The following ZNF423 variants were observed in gnomAD, a reference collection of about 807,000 sequenced individuals.
The protein encoded by ZNF423 is Ebf-associated zinc finger protein.
Under a neutral mutation model 95.8 loss-of-function variants are expected in ZNF423, and 12 were observed. The observed-to-expected ratio is 0.13, with a 90% CI of 0.08 to 0.20. The LOEUF is 0.20. Among genes scored for constraint, ZNF423 ranks in the 10% least tolerant of loss-of-function variants. The pLI, the probability that ZNF423 is intolerant of heterozygous loss-of-function variation, is 1.00. For synonymous variants in ZNF423, 749 were observed against 711.9 expected (o/e 1.05, Z -0.83); for missense variants, 1,316 against 1,737.1 (o/e 0.76, Z 4.31).
In ZNF423 at chr16:49,674,230, G is replaced by T. The variant is rs183590102; in HGVS notation, c.302-35356C>A. Among the ~76,000 whole-genome samples the T allele has an allele frequency of 2.6e-5, 4 of 152,326 alleles. No individual in the cohort carries two copies. In the East Asian group the frequency reaches 7.7e-4, roughly 29 times the overall value. The stretch of plus-strand genomic sequence containing the variant: ...TGTGCACAGGATCTGAGATAGGAAT[G>T]AGTGTGAAACGCAAACAAAATTTTG... On this transcript the variant is annotated intron_variant, in intron 3 of 7. Transcript: ENST00000563137.
At chr16:49,742,634 C>A (rs1490803674) in intron 2 of ZNF423, among the ~76,000 whole-genome samples, 1 of 151,934 alleles carries the variant, frequency 6.6e-6, no homozygotes, top group African/African-American at 2.4e-5. Context: ...GGGAGCAGGG[C>A]CGGCGGTGGG....
chr16:49,727,010 G>A (rs925378745), intron 3 of ZNF423, among the ~76,000 whole-genome samples: 2 of 152,148 alleles, frequency 1.3e-5, no homozygotes, highest in African/African-American at 4.8e-5. Context: ...GCCAGGGGCT[G>A]GAGAGGAACA....
intron 1 of ZNF423, among the ~76,000 whole-genome samples, chr16:49,816,045 G>T (rs2034850619): frequency 6.7e-6 from 1 of 149,584 alleles, no homozygotes; most frequent in Non-Finnish European, 1.5e-5. Flanking sequence ...CAGCCTCCTG[G>T]GTAGCTGGAA....
At chr16:49,626,528 C>T (rs1032369405) in intron 4 of ZNF423, among the ~76,000 whole-genome samples, 8 of 152,030 alleles carry the variant, frequency 5.3e-5, no homozygotes, top group African/African-American at 1.9e-4. Flanking sequence ...GAGGGGAGGC[C>T]TCCTTGCTTA....
chr16:49,846,096 G>T (rs1199556570), intron 1 of ZNF423, among the ~76,000 whole-genome samples: 1 of 152,086 alleles, frequency 6.6e-6, no homozygotes, highest in Non-Finnish European at 1.5e-5. Context: ...GAGGTTAGGA[G>T]TTCGAGACCA....
rs1417528240 is a variant in ZNF423 at position 49,669,251 on chromosome 16, C to T, written c.302-30377G>A. Among the ~76,000 whole-genome samples, 5 of 151,920 alleles carry T rather than the reference C, an allele frequency of 3.3e-5. No homozygotes were observed. In the East Asian group the frequency reaches 9.7e-4, roughly 29 times the overall value. ...GGCTGAGGTGGGAGAATCACTTGAACTCGGGAGGCGGAGGTTGCAGTGAGC... is the reference window on the plus strand; with the variant it reads ...GGCTGAGGTGGGAGAATCACTTGAATTCGGGAGGCGGAGGTTGCAGTGAGC... On this transcript the variant is annotated intron_variant, in intron 3 of 7. Transcript: ENST00000563137.
chr16:49,689,897 T>C (rs571099156), intron 3 of ZNF423, among the ~76,000 whole-genome samples: 2 of 152,308 alleles, frequency 1.3e-5, no homozygotes, highest in Admixed American at 1.3e-4. Context: ...TCCCAGGCAG[T>C]GACCCAGCTC....
intron 3 of ZNF423, among the ~76,000 whole-genome samples, chr16:49,724,965 T>G (rs868018350): frequency 2.6e-5 from 4 of 152,306 alleles, no homozygotes; most frequent in African/African-American, 9.6e-5. Flanking sequence ...TGGAGTTTAG[T>G]TTGAAATTGC....
At chr16:49,824,995 T>C (rs965802189) in intron 1 of ZNF423, among the ~76,000 whole-genome samples, 9 of 152,240 alleles carry the variant, frequency 5.9e-5, no homozygotes, top group Non-Finnish European at 8.8e-5. Flanking sequence ...GTTAAGTAGA[T>C]GTCACAGGCT....
At position 49,525,481 on chromosome 16, in the gene ZNF423, G is replaced by A; in HGVS notation, c.3615C>T (p.Asn1205=). 2 of 1,614,022 alleles carry A rather than the reference G, an allele frequency of 1.2e-6. No individual in the cohort carries two copies. The highest frequency in any genetic ancestry group is 2.2e-5 in the East Asian group (1 of 44,884). Residue 1205 remains asparagine, a synonymous_variant, in exon 6 of 8, where the codon AAC becomes AAT. Coordinates refer to ENST00000563137, the MANE Select transcript of ZNF423 (RefSeq NM_001379286.1). The stretch of plus-strand genomic sequence containing the variant: ...TCTGGTTGCACAGCTTACACTCGTG[G>A]TTGATGCCTTCCTCTGCAAGGAAAA... The part of the protein sequence containing the change: ...VANHMIEEGI[N]HECKLCNQMF...
At chr16:49,659,622 C>A (rs28477473) in intron 3 of ZNF423, among the ~76,000 whole-genome samples, 2,086 of 152,352 alleles carry the variant, frequency 0.014, 60 homozygotes, top group African/African-American at 0.047. Flanking sequence ...GACACACATA[C>A]TCTCAAGAGG....
At chr16:49,565,348 A>G (rs1970155713) in intron 5 of ZNF423, among the ~76,000 whole-genome samples, 1 of 152,182 alleles carries the variant, frequency 6.6e-6, no homozygotes, top group Admixed American at 6.5e-5. Context: ...AAGCCTGAAT[A>G]CATTATTGGC....
chr16:49,646,162 C>G (rs968948653), intron 3 of ZNF423, among the ~76,000 whole-genome samples: 2 of 152,174 alleles, frequency 1.3e-5, no homozygotes, highest in Non-Finnish European at 2.9e-5. Flanking sequence ...CCGAGGAGAG[C>G]CAGTCAGTGT....
At chr16:49,545,380 C>T (rs930647624) in intron 5 of ZNF423, among the ~76,000 whole-genome samples, 6 of 152,154 alleles carry the variant, frequency 3.9e-5, no homozygotes, top group South Asian at 2.1e-4. Flanking sequence ...GAGGAGGCGC[C>T]GGGCAGGCTT....
chr16:49,822,986 G>C (rs999434501), intron 1 of ZNF423, among the ~76,000 whole-genome samples: 9 of 152,204 alleles, frequency 5.9e-5, no homozygotes, highest in Non-Finnish European at 1.2e-4. Flanking sequence ...GTATGGCCCA[G>C]AGGTCAGGAT....
chr16:49,641,340 C>T (rs895418559), intron 3 of ZNF423, among the ~76,000 whole-genome samples: 4 of 152,184 alleles, frequency 2.6e-5, no homozygotes, highest in African/African-American at 9.7e-5. Context: ...GGGAGAGGCC[C>T]ACGTGTAAAG....
At position 49,638,993 on chromosome 16, in the gene ZNF423, G is replaced by C; in HGVS notation, c.302-119C>G. The C allele has an allele frequency of 5.5e-6, 8 of 1,444,060 alleles. No individual in the cohort carries two copies. The African/African-American group carries it at 5.7e-5, about 10-fold the overall frequency. 89.5% of individuals were successfully genotyped at this position (1,444,060 alleles called of 1,614,324 possible). A position where few individuals can be genotyped will look rare whatever the true frequency, so the allele number is the denominator to read the frequency against. On this transcript the variant is annotated intron_variant, in intron 3 of 7. Coordinates refer to ENST00000563137, the MANE Select transcript of ZNF423 (RefSeq NM_001379286.1). The surrounding 1 kb of genome is among the most constrained non-coding windows in gnomAD (Gnocchi z 5.6). The stretch of plus-strand genomic sequence containing the variant: ...GCTGTGCAGCTGGCCAACGGCTGCA[G>C]GGGGCTGTGGGGAGGGGCAGGGGCC...
rs2035353366 is a variant in ZNF423, at chr16:49,855,505, A to ACCC, written c.40+227_40+229dup. The stretch of plus-strand genomic sequence containing the variant: ...CGGGCAGGGAGGGTGTCCGCGGCGT[A>ACCC]CCCCCTCCGCCGCCGCCGCCGCCGC... On this transcript the variant is annotated intron_variant, in intron 1 of 7. Coordinates refer to ENST00000563137, the MANE Select transcript of ZNF423 (RefSeq NM_001379286.1). This position sits in a 1 kb window ranked among gnomAD's most constrained non-coding sequence, Gnocchi z 4.7. Among the ~76,000 whole-genome samples the ACCC allele has an allele frequency of 9.3e-6, 1 of 107,278 alleles. No individual in the cohort carries two copies. The highest frequency in any genetic ancestry group is 8.7e-5 in the Admixed American group (1 of 11,508). The allele number at this position is 107,278 out of a possible 152,430, so 70.4% of individuals were successfully genotyped here. A position where few individuals can be genotyped will look rare whatever the true frequency, so the allele number is the denominator to read the frequency against.
intron 5 of ZNF423, among the ~76,000 whole-genome samples, chr16:49,575,183 A>G (rs1034793388): frequency 6.6e-6 from 1 of 152,204 alleles, no homozygotes; most frequent in Non-Finnish European, 1.5e-5. Context: ...GGATATGCTA[A>G]GAGAACTTAG....
Sources: gnomAD v4.1 joint callset for allele counts (sites outside exome capture counted in the v4.1 genomes callset) on GRCh38, gnomAD v4.1.1 for gene constraint, Gnocchi (gnomAD v3.1) non-coding constraint, MANE v1.5 for transcripts, NCBI Gene and HGNC (gene_info 2026-07-23, HGNC 2026-07-21) for gene names.